GPC5: variants seen among roughly 807,000 people sequenced by gnomAD.
GPC5 encodes the protein glypican-5.
Under a neutral mutation model 53.9 loss-of-function variants are expected in GPC5, and 47 were observed. The observed-to-expected ratio is 0.87, with a 90% confidence interval of 0.69 to 1.11. The LOEUF is 1.11. GPC5 is among the 50% of genes most tolerant of loss of function. The pLI, the probability that GPC5 is intolerant of heterozygous loss-of-function variation, is 0.00. For missense variants in GPC5, 748 were observed against 713.1 expected (o/e 1.05, Z -0.56); for synonymous variants, 286 against 263.3 (o/e 1.09, Z -0.84).
At chr13:92,496,667 C>T (rs1202615347) in intron 7 of GPC5, among the ~76,000 whole-genome samples, 1 of 152,082 alleles carries the variant, frequency 6.6e-6, no homozygotes, top group Non-Finnish European at 1.5e-5. Flanking sequence ...TCAGTACCGC[C>T]AGCACAAAGC....
intron 7 of GPC5, among the ~76,000 whole-genome samples, chr13:92,402,609 G>T (rs972477337): frequency 1.3e-5 from 2 of 152,192 alleles, no homozygotes; most frequent in Non-Finnish European, 2.9e-5. Context: ...ATCAGGCATG[G>T]AACATGCAGC....
chr13:92,221,748 C>T (rs544096608), intron 7 of GPC5, among the ~76,000 whole-genome samples: 1 of 152,042 alleles, frequency 6.6e-6, no homozygotes, highest in Admixed American at 6.6e-5. Context: ...TGCAATGCAA[C>T]CTTTCTTCAT....
intron 7 of GPC5, among the ~76,000 whole-genome samples, chr13:92,768,192 T>C (rs1269742911): frequency 2.0e-5 from 3 of 152,326 alleles, no homozygotes; most frequent in South Asian, 4.1e-4. Context: ...AGAACAGATA[T>C]AACTTTTCAG....
chr13:91,952,088 A>G (rs563110670), intron 6 of GPC5, among the ~76,000 whole-genome samples: 1 of 152,202 alleles, frequency 6.6e-6, no homozygotes, highest in East Asian at 1.9e-4. Context: ...CGACTTTTGA[A>G]TGTCTCTTAT....
chr13:92,545,948 G>T (rs919430080), intron 7 of GPC5, among the ~76,000 whole-genome samples: 2 of 151,938 alleles, frequency 1.3e-5, no homozygotes, highest in Non-Finnish European at 1.5e-5. Flanking sequence ...GTCAATTTTG[G>T]CTTTTGTTGC....
At chr13:91,571,435 A>C (rs1239028351) in intron 2 of GPC5, among the ~76,000 whole-genome samples, 1 of 152,078 alleles carries the variant, frequency 6.6e-6, no homozygotes, top group East Asian at 1.9e-4. Flanking sequence ...TGTCTTGCCA[A>C]GTAAGGATGC....
At chr13:91,913,680 G>A (rs2039632272) in intron 6 of GPC5, among the ~76,000 whole-genome samples, 1 of 152,226 alleles carries the variant, frequency 6.6e-6, no homozygotes, top group African/African-American at 2.4e-5. Context: ...TGGCGACAGA[G>A]GGGAGTCATG....
chr13:92,026,139 C>T (rs1217120869), intron 6 of GPC5, among the ~76,000 whole-genome samples: 1 of 152,010 alleles, frequency 6.6e-6, no homozygotes, highest in Non-Finnish European at 1.5e-5. Flanking sequence ...CCTGTCTTTC[C>T]TTCTTAAAGT....
rs547906298 is a variant in GPC5, at chr13:92,264,566, T to C, written c.1561+119577T>C. Among the ~76,000 whole-genome samples, 7 of 152,092 alleles carry C rather than the reference T, an allele frequency of 4.6e-5. No individual in the cohort carries two copies. In the East Asian group the frequency reaches 1.2e-3, roughly 25 times the overall value. On this transcript the variant is annotated intron_variant, in intron 7 of 7. Coordinates refer to ENST00000377067, the MANE Select transcript of GPC5 (RefSeq NM_004466.6). The stretch of plus-strand genomic sequence containing the variant: ...GCTTTGCTTGTACGTTTTGTCCAAT[T>C]CTTTGTTCAAAACACCAAGAACCTG...
At chr13:92,586,919 A>G (rs9516093) in intron 7 of GPC5, among the ~76,000 whole-genome samples, 46,409 of 151,536 alleles carry the variant, frequency 0.31, 9,202 homozygotes, top group East Asian at 0.72. Context: ...ATCACAGTAC[A>G]CTTGTATATA....
chr13:92,118,515 G>A (rs1471671392), intron 6 of GPC5, among the ~76,000 whole-genome samples: 1 of 152,098 alleles, frequency 6.6e-6, no homozygotes, highest in South Asian at 2.1e-4. Flanking sequence ...ACTAGAGCTG[G>A]CTTCCAGGTA....
chr13:91,979,446 T>A (rs553340062), intron 6 of GPC5, among the ~76,000 whole-genome samples: 1 of 152,334 alleles, frequency 6.6e-6, no homozygotes, highest in South Asian at 2.1e-4. Context: ...GTATTAACTG[T>A]TTTGAAATGA....
intron 2 of GPC5, among the ~76,000 whole-genome samples, chr13:91,675,431 T>C (rs1053276563): frequency 2.6e-5 from 4 of 152,184 alleles, no homozygotes; most frequent in African/African-American, 4.8e-5. Context: ...AATTTTTGGC[T>C]CAAAAACCAA....
Position 92,490,059 on chromosome 13 carries a change from TA to T in GPC5, c.1561+345076del, listed in dbSNP as rs551350767. ...GTTTACATACTCTTCTTGTGCATTT[TA>T]AAAAATTTATCTATAATGTGCAGTT... On this transcript the variant is annotated intron_variant, in intron 7 of 7. Coordinates refer to ENST00000377067, the MANE Select transcript of GPC5 (RefSeq NM_004466.6). The T allele has an allele frequency of 8.5e-4, 130 of 153,418 alleles. 1 individual carries two copies. The highest frequency in any genetic ancestry group is 2.9e-3 in the African/African-American group (122 of 41,482). 9.5% of individuals were successfully genotyped at this position (153,418 alleles called of 1,614,324 possible).
intron 4 of GPC5, among the ~76,000 whole-genome samples, chr13:91,738,386 A>G (rs1355547620): frequency 1.3e-5 from 2 of 151,332 alleles, no homozygotes; most frequent in Non-Finnish European, 2.9e-5. Flanking sequence ...GCCTCACCAT[A>G]ACCGTGGTTG....
chr13:91,721,737 T>TC (rs34115146), intron 3 of GPC5, among the ~76,000 whole-genome samples: 1 of 152,328 alleles, frequency 6.6e-6, no homozygotes. Flanking sequence ...ATAAAGTTTT[T>TC]CCCTGTGATC....
At chr13:92,310,477 G>A (rs1278089057) in intron 7 of GPC5, among the ~76,000 whole-genome samples, 1 of 152,080 alleles carries the variant, frequency 6.6e-6, no homozygotes, top group Non-Finnish European at 1.5e-5. Flanking sequence ...TACAGTAACA[G>A]CTGTACCTTT....
intron 2 of GPC5, among the ~76,000 whole-genome samples, chr13:91,572,386 GAC>G (rs1234633224): frequency 6.6e-6 from 1 of 151,748 alleles, no homozygotes; most frequent in East Asian, 1.9e-4. Context: ...GAATATCTGA[GAC>G]AGGGTGATCT....
intron 6 of GPC5, among the ~76,000 whole-genome samples, chr13:91,918,204 T>C (rs1365994998): frequency 6.6e-6 from 1 of 152,070 alleles, no homozygotes; most frequent in Admixed American, 6.5e-5. Flanking sequence ...CCCATGAGAC[T>C]CACTCACTAT....
Sources: gnomAD v4.1 joint callset for allele counts (sites outside exome capture counted in the v4.1 genomes callset) on GRCh38, gnomAD v4.1.1 for gene constraint, MANE v1.5 for transcripts, NCBI Gene and HGNC (gene_info 2026-07-23, HGNC 2026-07-21) for gene names.